Variants in COL21A1 observed in about 807,000 individuals in gnomAD.
The protein encoded by COL21A1 is collagen type XXI alpha 1 chain, also known as collagen alpha-1(XXI) chain.
In COL21A1, 149 loss-of-function variants were observed where a neutral mutation model predicts 137.9. The observed-to-expected ratio is 1.08, with a 90% CI of 0.95 to 1.24. The LOEUF is 1.24. Among genes scored for constraint, COL21A1 ranks in the 50% most tolerant of loss-of-function variants. The probability of loss-of-function intolerance (pLI) is 0.00; values close to 1 mark genes in which losing one functional copy is unlikely to be tolerated. For missense variants in COL21A1, 1,167 were observed against 1,158.4 expected, an observed-to-expected ratio of 1.01 and a Z score of -0.11; for synonymous variants, 456 against 391.5, an observed-to-expected ratio of 1.16 and a Z score of -1.95.
intron 1 of COL21A1, among the ~76,000 whole-genome samples, chr6:56,204,055 A>T (rs979247537): frequency 6.6e-6 from 1 of 151,700 alleles, no homozygotes; most frequent in African/African-American, 2.4e-5. Context: ...TTGGGCAGAT[A>T]CCCCACTAGC....
chr6:56,104,331 C>A (rs142654450), intron 16 of COL21A1, among the ~76,000 whole-genome samples: 49 of 152,252 alleles, frequency 3.2e-4, no homozygotes, highest in African/African-American at 1.2e-3. Flanking sequence ...CTAGCATTTA[C>A]TGTTGGACAA....
chr6:56,328,855 G>C (rs1028237530), intron 1 of COL21A1, among the ~76,000 whole-genome samples: 2 of 152,104 alleles, frequency 1.3e-5, no homozygotes, highest in East Asian at 3.9e-4. Flanking sequence ...GGTCATTTTG[G>C]GGGTGCAGCT....
chr6:56,227,087 A>G (rs558950241), intron 1 of COL21A1, among the ~76,000 whole-genome samples: 12 of 152,072 alleles, frequency 7.9e-5, no homozygotes, highest in Admixed American at 4.6e-4. Context: ...AGATCATGAA[A>G]ACTCTGCAAT....
chr6:56,213,130 G>A (rs1780279722), intron 1 of COL21A1, among the ~76,000 whole-genome samples: 1 of 151,790 alleles, frequency 6.6e-6, no homozygotes, highest in African/African-American at 2.4e-5. Flanking sequence ...GTATTCCTTT[G>A]GTTGTTTCTA....
intron 1 of COL21A1, among the ~76,000 whole-genome samples, chr6:56,232,291 C>T (rs1056542328): frequency 6.6e-6 from 1 of 151,838 alleles, no homozygotes; most frequent in African/African-American, 2.4e-5. Flanking sequence ...AATATTTTGC[C>T]TCACATCTTA....
intron 20 of COL21A1, among the ~76,000 whole-genome samples, chr6:56,072,013 C>T (rs1050382603): frequency 1.3e-5 from 2 of 151,506 alleles, no homozygotes; most frequent in Non-Finnish European, 3.0e-5. Context: ...TGTTGTTCCT[C>T]TCCCTGTGTC....
At chr6:56,384,126 G>A (rs1207106630) in intron 1 of COL21A1, among the ~76,000 whole-genome samples, 1 of 152,142 alleles carries the variant, frequency 6.6e-6, no homozygotes, top group Non-Finnish European at 1.5e-5. Flanking sequence ...CATGGAAATT[G>A]GGGGAAAGAC....
At position 56,233,210 on chromosome 6, in the gene COL21A1, T is replaced by G. The variant is rs1395037937; in HGVS notation, c.-39+14177A>C. Among the ~76,000 whole-genome samples the G allele has an allele frequency of 3.3e-5, 5 of 151,866 alleles. No homozygotes were observed. In the East Asian group the frequency reaches 9.7e-4, roughly 29 times the overall value. On this transcript the variant is annotated intron_variant, in intron 1 of 29. Coordinates refer to ENST00000244728, the MANE Select transcript of COL21A1 (RefSeq NM_030820.4). ...CAGCCATATCCAATAAATAAGACAC[T>G]AATACATTGCCCAACTTTATAATTA...
At chr6:56,244,074 C>T (rs1782505427) in intron 1 of COL21A1, among the ~76,000 whole-genome samples, 1 of 152,100 alleles carries the variant, frequency 6.6e-6, no homozygotes, top group Admixed American at 6.6e-5. Flanking sequence ...ATAGTAAAAC[C>T]ATCCACTATG....
At chr6:56,341,631 C>T (rs1204327085) in intron 1 of COL21A1, among the ~76,000 whole-genome samples, 1 of 152,172 alleles carries the variant, frequency 6.6e-6, no homozygotes, top group Non-Finnish European at 1.5e-5. Context: ...AGTGAAACTA[C>T]CTTGTATGCT....
intron 5 of COL21A1, among the ~76,000 whole-genome samples, 171 bp from the exon 6 acceptor site, chr6:56,168,468 C>A (rs1454773495): frequency 6.6e-6 from 1 of 152,076 alleles, no homozygotes; most frequent in Non-Finnish European, 1.5e-5. Context: ...ATGCTATCCA[C>A]CAATTCTTTC....
At chr6:56,310,143 G>A (rs927460733) in intron 1 of COL21A1, among the ~76,000 whole-genome samples, 2 of 152,140 alleles carry the variant, frequency 1.3e-5, no homozygotes, top group African/African-American at 4.8e-5. Flanking sequence ...TAGGGAAGAA[G>A]ACACTAAACA....
At chr6:56,392,497 A>G (rs374094548) in intron 1 of COL21A1, among the ~76,000 whole-genome samples, 251 of 152,320 alleles carry the variant, frequency 1.6e-3, no homozygotes, top group African/African-American at 5.8e-3. Context: ...TAGCAAGAGC[A>G]ATCAGACAAG....
At chr6:56,158,364 C>T (rs915835640) in intron 9 of COL21A1, among the ~76,000 whole-genome samples, 5 of 147,736 alleles carry the variant, frequency 3.4e-5, no homozygotes, top group Admixed American at 1.4e-4. Flanking sequence ...CTTCAACCTC[C>T]CAGGCTCAAG....
At chr6:56,202,570 T>C (rs2840997) in intron 1 of COL21A1, among the ~76,000 whole-genome samples, 2,046 of 152,304 alleles carry the variant, frequency 0.013, 44 homozygotes, top group African/African-American at 0.047. Flanking sequence ...CCACTGATAA[T>C]GCCTTCCTCA....
chr6:56,195,765 G>A (rs189876809), intron 1 of COL21A1, among the ~76,000 whole-genome samples: 1 of 152,222 alleles, frequency 6.6e-6, no homozygotes, highest in East Asian at 1.9e-4. Flanking sequence ...AAAGGTCCAG[G>A]AGCAGACAGC....
intron 1 of COL21A1, among the ~76,000 whole-genome samples, chr6:56,341,304 A>C (rs1765463410): frequency 6.6e-6 from 1 of 152,236 alleles, no homozygotes; most frequent in Non-Finnish European, 1.5e-5. Flanking sequence ...GGTATGATGG[A>C]ATTTATTTTC....
chr6:56,271,176 G>T (rs968666148), intron 1 of COL21A1, among the ~76,000 whole-genome samples: 2 of 152,176 alleles, frequency 1.3e-5, no homozygotes, highest in East Asian at 1.9e-4. Flanking sequence ...TGACAATGAA[G>T]TCCAGGCTGA....
intron 1 of COL21A1, among the ~76,000 whole-genome samples, chr6:56,210,788 A>G (rs1373258200): frequency 6.6e-6 from 1 of 152,202 alleles, no homozygotes; most frequent in Non-Finnish European, 1.5e-5. Context: ...CCAAGAGGAC[A>G]AAATCAGTGA....
Sources: allele counts gnomAD v4.1 joint callset (sites outside exome capture counted in the v4.1 genomes callset), GRCh38; gene constraint gnomAD v4.1.1; transcripts MANE v1.5; gene names NCBI Gene and HGNC (gene_info 2026-07-23, HGNC 2026-07-21).